Variants in MATN2 observed in about 807,000 individuals in gnomAD.
MATN2 encodes matrilin-2.
A neutral mutation model predicts 103.2 loss-of-function variants in MATN2; 69 were observed. That is an observed-to-expected ratio of 0.67 (90% CI 0.55 to 0.82). The LOEUF (loss-of-function observed/expected upper bound fraction) is 0.82. MATN2 is among the 40% of genes least tolerant of loss of function. The pLI is 0.00. For synonymous variants in MATN2, 429 were observed against 450.2 expected (o/e 0.95, Z 0.60); for missense variants, 1,023 against 1,211.5 (o/e 0.84, Z 2.31).
intron 10 of MATN2, among the ~76,000 whole-genome samples, chr8:98,013,712 A>T (rs1813258499): frequency 6.6e-6 from 1 of 152,258 alleles, no homozygotes; most frequent in Non-Finnish European, 1.5e-5. Flanking sequence ...GGAAATATTT[A>T]TCTGCCTTTA....
At chr8:97,973,302 C>T (rs1016657621) in intron 5 of MATN2, among the ~76,000 whole-genome samples, 4 of 152,118 alleles carry the variant, frequency 2.6e-5, no homozygotes. Flanking sequence ...CCCCTTAGTT[C>T]CCCAGAGAGC....
At chr8:97,958,215 G>C (rs1369516411) in intron 4 of MATN2, among the ~76,000 whole-genome samples, 1 of 152,214 alleles carries the variant, frequency 6.6e-6, no homozygotes, top group Non-Finnish European at 1.5e-5. Flanking sequence ...AAAATCACCT[G>C]TATTCACACC....
At chr8:97,953,395 C>G (rs1346949522) in intron 4 of MATN2, among the ~76,000 whole-genome samples, 1 of 152,212 alleles carries the variant, frequency 6.6e-6, no homozygotes, top group Non-Finnish European at 1.5e-5. Context: ...CAGCCCTGCA[C>G]TTCGGGAGGC....
intron 1 of MATN2, among the ~76,000 whole-genome samples, chr8:97,884,222 C>A (rs1199579993): frequency 6.6e-6 from 1 of 151,054 alleles, no homozygotes; most frequent in Non-Finnish European, 1.5e-5. Flanking sequence ...CTCATTGCAG[C>A]CTTCACCTTC....
chr8:97,873,158 A>G (rs1029547884), intron 1 of MATN2, among the ~76,000 whole-genome samples: 17 of 152,206 alleles, frequency 1.1e-4, no homozygotes, highest in African/African-American at 3.9e-4. Flanking sequence ...CATCTTTGAC[A>G]TATTATTCTA....
chr8:97,915,556 CCCT>C (rs1809595973), intron 2 of MATN2, among the ~76,000 whole-genome samples: 2 of 152,196 alleles, frequency 1.3e-5, no homozygotes, highest in Admixed American at 1.3e-4. Flanking sequence ...ACACCTCCTC[CCCT>C]CCTCCTTCCA....
chr8:97,925,615 T>A (rs899891332), intron 2 of MATN2, among the ~76,000 whole-genome samples: 1 of 152,196 alleles, frequency 6.6e-6, no homozygotes, highest in Non-Finnish European at 1.5e-5. Flanking sequence ...TAAATTACGA[T>A]TATTTTCTCT....
chr8:97,896,482 G>C (rs1421099380), intron 2 of MATN2, among the ~76,000 whole-genome samples: 2 of 152,204 alleles, frequency 1.3e-5, no homozygotes, highest in African/African-American at 2.4e-5. Context: ...GATCAGGCAG[G>C]ACAACAGGGA....
At position 98,018,011 on chromosome 8, in the gene MATN2, G is replaced by A; in HGVS notation, c.1714G>A (p.Ala572Thr). 1.2e-6 allele frequency: 2 copies of A among 1,613,672 alleles called. No individual in the cohort carries two copies. Among genetic ancestry groups the A allele is most frequent in the Non-Finnish European group, 1.7e-6 (2 of 1,179,688 alleles). Residue 572 changes from alanine (A) to threonine (T), a missense_variant, in exon 12 of 19, where the codon GCT becomes ACT. Physicochemically the swap from Ala to Thr is moderately conservative, Grantham distance 58 (BLOSUM62 0). Transcript: ENST00000254898. Reference protein sequence around the residue: ...KTCRRKDVCQAIDHGCEHICV... With the variant: ...KTCRRKDVCQTIDHGCEHICV... ...GTCTTCAGGGAAAGATGTCTGCCAA[G>A]CTATAGACCATGGCTGTGAACACAT...
chr8:97,979,281 C>A (rs1811944728), intron 6 of MATN2, among the ~76,000 whole-genome samples: 1 of 152,206 alleles, frequency 6.6e-6, no homozygotes, highest in Non-Finnish European at 1.5e-5. Flanking sequence ...ACAATCCGAG[C>A]AACTTACTTC....
At chr8:97,962,447 AAAC>A (rs1335261314) in intron 5 of MATN2, among the ~76,000 whole-genome samples, 1 of 152,238 alleles carries the variant, frequency 6.6e-6, no homozygotes, top group African/African-American at 2.4e-5. Context: ...AGGCAAAACA[AAAC>A]AACAACAAAA....
chr8:97,893,440 A>G (rs986961528), intron 2 of MATN2, among the ~76,000 whole-genome samples: 2 of 151,998 alleles, frequency 1.3e-5, no homozygotes, highest in Admixed American at 6.6e-5. Flanking sequence ...GTTTGTGCAC[A>G]CTTTTTCTCT....
chr8:97,997,950 G>A (rs1307271982), intron 7 of MATN2, among the ~76,000 whole-genome samples: 1 of 150,884 alleles, frequency 6.6e-6, no homozygotes, highest in African/African-American at 2.4e-5. Flanking sequence ...CTCCCTAGTA[G>A]CTGGGACTAC....
chr8:97,919,083 A>G (rs1809727422), intron 2 of MATN2, among the ~76,000 whole-genome samples: 1 of 152,150 alleles, frequency 6.6e-6, no homozygotes, highest in South Asian at 2.1e-4. Flanking sequence ...GGGGAAGAAG[A>G]TGGCAGGACA....
rs749466580 is a variant in MATN2 at position 98,033,012 on chromosome 8, G to T, written c.2582-30G>T. The T allele has an allele frequency of 6.3e-6, 10 of 1,592,348 alleles. No individual in the cohort carries two copies. The South Asian group carries it at 1.2e-4, about 18-fold the overall frequency. On this transcript the variant is annotated intron_variant, in intron 16 of 18. Transcript: ENST00000254898. ...TTTTATAACCAAAAGCGTTAAGCAG[G>T]TTTGATTGCAGTTTTCTTTCTCTTT...
chr8:98,013,498 T>C lies in MATN2; in HGVS notation c.1574-3042T>C, dbSNP rs571730262. 5.9e-5 allele frequency among the ~76,000 whole-genome samples: 9 copies of C among 152,330 alleles called. No homozygotes were observed. The South Asian group carries it at 1.7e-3, about 28-fold the overall frequency. ...TGTTTCCTTTTGTTCAACAGGTCTT[T>C]CCTAGGGATCTGTTAGGTGCCAGGC... On this transcript the variant is annotated intron_variant, in intron 10 of 18. Coordinates refer to ENST00000254898, the MANE Select transcript of MATN2 (RefSeq NM_002380.5).
intron 4 of MATN2, among the ~76,000 whole-genome samples, chr8:97,953,001 C>T (rs554257154): frequency 7.0e-5 from 10 of 143,016 alleles, no homozygotes; most frequent in South Asian, 4.4e-4. Flanking sequence ...TAGCTTACTG[C>T]GACCTGGAAC....
chr8:97,881,008 A>C (rs1016121317), intron 1 of MATN2, among the ~76,000 whole-genome samples: 1 of 152,196 alleles, frequency 6.6e-6, no homozygotes, highest in Non-Finnish European at 1.5e-5. Context: ...TTAGTGTTCC[A>C]TCCATCAAAT....
chr8:97,912,414 C>G (rs72675249), intron 2 of MATN2, among the ~76,000 whole-genome samples: 6,982 of 152,282 alleles, frequency 0.046, 242 homozygotes, highest in Admixed American at 0.089. Context: ...GCAGCTGGAG[C>G]CGGGCATTGA....
Sources: allele counts gnomAD v4.1 joint callset (sites outside exome capture counted in the v4.1 genomes callset), GRCh38; gene constraint gnomAD v4.1.1; transcripts MANE v1.5; gene names NCBI Gene and HGNC (gene_info 2026-07-23, HGNC 2026-07-21).